The following GRM5 variants were observed in gnomAD, a reference collection of about 807,000 sequenced individuals.
GRM5 encodes metabotropic glutamate receptor 5.
A neutral mutation model predicts 83.1 loss-of-function variants in GRM5; 19 were observed. The observed-to-expected ratio is 0.23, with a 90% confidence interval of 0.16 to 0.34. GRM5 has a LOEUF of 0.34. Ranked by LOEUF, GRM5 falls within the 10% of genes least tolerant of loss-of-function variation. GRM5 has a pLI of 1.00. For synonymous variants in GRM5, 675 were observed against 633.6 expected, an observed-to-expected ratio of 1.07 and a Z score of -0.98; for missense variants, 1,160 against 1,588.3, an observed-to-expected ratio of 0.73 and a Z score of 4.58.
chr11:88,677,335 G>A (rs1480652239), intron 3 of GRM5, among the ~76,000 whole-genome samples: 3 of 152,052 alleles, frequency 2.0e-5, no homozygotes, highest in African/African-American at 4.8e-5. Context: ...CTGTCAACCA[G>A]AGTAATTCTT....
At chr11:88,768,200 C>T (rs1942660953) in intron 3 of GRM5, among the ~76,000 whole-genome samples, 1 of 151,922 alleles carries the variant, frequency 6.6e-6, no homozygotes, top group Non-Finnish European at 1.5e-5. Context: ...CCAGTGCCCA[C>T]TGATGGATGG....
chr11:89,060,121 A>G (rs1381349279), intron 1 of GRM5, among the ~76,000 whole-genome samples: 2 of 152,220 alleles, frequency 1.3e-5, no homozygotes, highest in Middle Eastern at 3.4e-3. Flanking sequence ...CATAATGTTT[A>G]TTGTTTAGCC....
At chr11:88,957,944 A>G (rs1273981233) in intron 2 of GRM5, among the ~76,000 whole-genome samples, 3 of 152,148 alleles carry the variant, frequency 2.0e-5, no homozygotes, top group Non-Finnish European at 2.9e-5. Flanking sequence ...GTTTTATCCT[A>G]TCTCAAATTG....
intron 2 of GRM5, among the ~76,000 whole-genome samples, chr11:88,930,867 C>T (rs1352593099): frequency 6.6e-6 from 1 of 151,866 alleles, no homozygotes; most frequent in African/African-American, 2.4e-5. Flanking sequence ...ATTGCCAACT[C>T]CTTAATGGTA....
intron 3 of GRM5, among the ~76,000 whole-genome samples, chr11:88,793,399 T>C (rs1430429933): frequency 6.6e-6 from 1 of 152,188 alleles, no homozygotes; most frequent in Admixed American, 6.5e-5. Context: ...ATCTAAGGAC[T>C]GCTAGGTATT....
intron 3 of GRM5, among the ~76,000 whole-genome samples, chr11:88,698,505 G>A (rs1940953508): frequency 6.6e-6 from 1 of 152,148 alleles, no homozygotes; most frequent in African/African-American, 2.4e-5. Flanking sequence ...CTCTGTTTCA[G>A]AGAACTTGTT....
intron 3 of GRM5, among the ~76,000 whole-genome samples, chr11:88,672,655 T>A (rs979940818): frequency 4.6e-5 from 7 of 152,056 alleles, no homozygotes; most frequent in African/African-American, 1.7e-4. Flanking sequence ...TTTACTCAAA[T>A]GTGATAGGAG....
intron 2 of GRM5, among the ~76,000 whole-genome samples, chr11:88,939,102 T>C (rs965383834): frequency 6.6e-6 from 1 of 151,766 alleles, no homozygotes; most frequent in African/African-American, 2.4e-5. Flanking sequence ...TTATGACTAA[T>C]TCATCTGTGG....
At chr11:88,619,106 C>G (rs1455258164) in intron 4 of GRM5, among the ~76,000 whole-genome samples, 2 of 152,222 alleles carry the variant, frequency 1.3e-5, no homozygotes, top group Non-Finnish European at 2.9e-5. Flanking sequence ...GAAACTACAA[C>G]TCTCCAATCT....
rs562641409 is a variant in GRM5, at chr11:88,732,373, A to G, written c.912-78970T>C. 4.6e-5 allele frequency among the ~76,000 whole-genome samples: 7 copies of G among 152,150 alleles called. No homozygotes were observed. In the South Asian group the frequency reaches 1.0e-3, roughly 23 times the overall value. On this transcript the variant is annotated intron_variant, in intron 3 of 9. Coordinates refer to ENST00000305447, the MANE Select transcript of GRM5 (RefSeq NM_001143831.3). ...TATTAATAAATGTCATAAATATATA[A>G]AACAAAAAATTGCAATATTTGAAAA...
chr11:88,833,154 A>T (rs1206692593), intron 3 of GRM5, among the ~76,000 whole-genome samples: 3 of 152,180 alleles, frequency 2.0e-5, no homozygotes, highest in Admixed American at 2.0e-4. Context: ...AGTGAAGAAC[A>T]TAATCAACAG....
intron 3 of GRM5, among the ~76,000 whole-genome samples, chr11:88,725,056 C>A (rs7127145): frequency 0.032 from 4,933 of 152,222 alleles, 121 homozygotes; most frequent in Non-Finnish European, 0.049. Flanking sequence ...GAACCATTCA[C>A]TCCCCTGGAA....
chr11:88,944,105 T>A (rs1449690562), intron 2 of GRM5, among the ~76,000 whole-genome samples: 2 of 152,022 alleles, frequency 1.3e-5, no homozygotes, highest in African/African-American at 4.8e-5. Context: ...AAGTTGGTTG[T>A]TGCTATGACC....
chr11:88,902,621 A>G (rs569416423), intron 2 of GRM5, among the ~76,000 whole-genome samples: 4 of 152,210 alleles, frequency 2.6e-5, no homozygotes, highest in African/African-American at 9.6e-5. Flanking sequence ...ATTCTCTCAA[A>G]GGGAGAAAGA....
intron 2 of GRM5, among the ~76,000 whole-genome samples, chr11:88,972,965 C>T (rs1939213158): frequency 6.6e-6 from 1 of 152,074 alleles, no homozygotes; most frequent in African/African-American, 2.4e-5. Context: ...AATGGAGTCA[C>T]ATTCTACACA....
chr11:89,007,089 G>A (rs764206368), intron 2 of GRM5, among the ~76,000 whole-genome samples: 1 of 152,156 alleles, frequency 6.6e-6, no homozygotes, highest in African/African-American at 2.4e-5. Context: ...GAGCCACGGC[G>A]CCCGGCCCAA....
At chr11:88,726,390 G>T (rs1262128639) in intron 3 of GRM5, among the ~76,000 whole-genome samples, 1 of 152,154 alleles carries the variant, frequency 6.6e-6, no homozygotes, top group Non-Finnish European at 1.5e-5. Flanking sequence ...GGGACTATGT[G>T]AAAAGACCAA....
intron 2 of GRM5, among the ~76,000 whole-genome samples, chr11:88,880,285 T>G (rs1944931063): frequency 6.6e-6 from 1 of 152,054 alleles, no homozygotes; most frequent in Non-Finnish European, 1.5e-5. Flanking sequence ...AAATATTAGG[T>G]AGAGCACATG....
intron 2 of GRM5, among the ~76,000 whole-genome samples, chr11:88,928,290 G>T (rs1945823731): frequency 1.3e-5 from 2 of 151,870 alleles, no homozygotes; most frequent in African/African-American, 4.8e-5. Context: ...CATTTCTCTG[G>T]GCCCCAGTTA....
Sources: gnomAD v4.1 joint callset for allele counts (sites outside exome capture counted in the v4.1 genomes callset) on GRCh38, gnomAD v4.1.1 for gene constraint, MANE v1.5 for transcripts, NCBI Gene and HGNC (gene_info 2026-07-23, HGNC 2026-07-21) for gene names.